Variants in IFIH1 observed in about 807,000 individuals in gnomAD.
IFIH1 encodes interferon induced with helicase C domain 1.
In IFIH1, 125 loss-of-function variants were observed where a neutral mutation model predicts 107.4. The observed-to-expected ratio is 1.16, with a 90% CI of 1.01 to 1.35. The LOEUF (loss-of-function observed/expected upper bound fraction) is 1.35. Ranked by LOEUF, IFIH1 falls within the 40% of genes most tolerant of loss-of-function variation. The pLI is 0.00. For synonymous variants in IFIH1, 458 were observed against 413.2 expected (o/e 1.11, Z -1.31); for missense variants, 1,333 against 1,213.7 (o/e 1.10, Z -1.46).
intron 5 of IFIH1, among the ~76,000 whole-genome samples, chr2:162,286,208 A>C (rs1682891207): frequency 6.6e-6 from 1 of 152,020 alleles, no homozygotes; most frequent in Non-Finnish European, 1.5e-5. Context: ...GGAACAACAA[A>C]AAAAAGTAAC....
chr2:162,294,063 T>C (rs1683044609), intron 3 of IFIH1, among the ~76,000 whole-genome samples: 1 of 151,928 alleles, frequency 6.6e-6, no homozygotes, highest in Non-Finnish European at 1.5e-5. Context: ...TTTAAAATGA[T>C]AGGGAATTAA....
In IFIH1 at chr2:162,279,982, C is replaced by T; in HGVS notation, c.1641+14G>A. ...GTATTGTCAATCAATAGATATAAAA[C>T]ATTAAGCCCATACTTCTCTGGTTGC... On this transcript the variant is annotated intron_variant, in intron 8 of 15. Coordinates refer to ENST00000649979, the MANE Select transcript of IFIH1 (RefSeq NM_022168.4). The T allele has an allele frequency of 1.5e-6, 2 of 1,354,246 alleles. No homozygotes were observed. Among genetic ancestry groups the T allele is most frequent in the Non-Finnish European group, 2.1e-6 (2 of 943,742 alleles). 83.9% of individuals were successfully genotyped at this position (1,354,246 alleles called of 1,614,324 possible).
intron 3 of IFIH1, among the ~76,000 whole-genome samples, chr2:162,304,288 C>G (rs36084110): frequency 6.6e-6 from 1 of 152,092 alleles, no homozygotes; most frequent in African/African-American, 2.4e-5. Flanking sequence ...TGGTGAAACC[C>G]CATTCTCTAA....
chr2:162,311,972 T>A (rs888217805), intron 1 of IFIH1, among the ~76,000 whole-genome samples: 4 of 152,286 alleles, frequency 2.6e-5, no homozygotes, highest in Middle Eastern at 3.4e-3. Flanking sequence ...GGAACTCAGA[T>A]ATTAAAGAAA....
chr2:162,306,725 A>C lies in IFIH1; in HGVS notation c.753T>G (p.Asp251Glu). The C allele has an allele frequency of 6.2e-7, 1 of 1,613,896 alleles. No individual in the cohort carries two copies. The highest frequency in any genetic ancestry group is 8.5e-7 in the Non-Finnish European group (1 of 1,179,840). ...ENNSSESSFADSSVVSESDTS... is the reference protein window; with the variant it reads ...ENNSSESSFAESSVVSESDTS... ...TTCAAGTACCTGAAACTACAGAAGA[A>C]TCTGCAAAAGATGATTCTGATGAGT... Residue 251 changes from aspartate to glutamate, a missense_variant, in exon 3 of 16, where the codon GAT (aspartate) becomes GAG (glutamate). By Grantham distance (45) the Asp-to-Glu change is conservative. Transcript: ENST00000649979.
chr2:162,317,897 C>G lies in IFIH1; in HGVS notation c.411G>C (p.Lys137Asn), dbSNP rs1257535402. ...TTGTCAACAGTTCCTCCTCCATGCA[C>G]TTATCCAAGACGTCTCTAACTAGAA... ...DKLLVRDVLDKCMEEELLTIE... is the reference protein window; with the variant it reads ...DKLLVRDVLDNCMEEELLTIE... The change falls in exon 1 of 16, where the codon AAG (lysine) becomes AAC (asparagine). Residue 137 changes from lysine (K) to asparagine (N), a missense_variant. By Grantham distance (94) the Lys-to-Asn change is moderately conservative (BLOSUM62 0). Transcript: ENST00000649979. The G allele has an allele frequency of 3.7e-6, 6 of 1,610,116 alleles. No individual in the cohort carries two copies. Among genetic ancestry groups the G allele is most frequent in the Middle Eastern group, 1.7e-4 (1 of 6,058 alleles).
chr2:162,299,518 C>T (rs1484703631), intron 3 of IFIH1, among the ~76,000 whole-genome samples: 2 of 151,942 alleles, frequency 1.3e-5, no homozygotes, highest in Non-Finnish European at 1.5e-5. Flanking sequence ...ATATTCACAC[C>T]GTGGCCAATT....
chr2:162,269,804 C>A (rs1395706479), intron 13 of IFIH1, among the ~76,000 whole-genome samples: 1 of 152,060 alleles, frequency 6.6e-6, no homozygotes, highest in African/African-American at 2.4e-5. Context: ...CCATATATAG[C>A]ATAGAAAAGA....
chr2:162,314,524 T>C (rs1056383684), intron 1 of IFIH1, among the ~76,000 whole-genome samples: 3 of 150,778 alleles, frequency 2.0e-5, no homozygotes, highest in Non-Finnish European at 4.4e-5. Context: ...AGTCTCGCTC[T>C]GTCACCAGGG....
intron 2 of IFIH1, 48 bp downstream of exon 2, chr2:162,310,717 A>G (rs747449831): frequency 1.1e-5 from 17 of 1,504,556 alleles, no homozygotes; most frequent in Admixed American, 1.7e-5. Context: ...TGAATTCTCA[A>G]TCACTAGGCA....
chr2:162,276,751 A>C lies in IFIH1; in HGVS notation c.2240T>G (p.Val747Gly). ...AATCAGATGGTGGGCTTTGACTCCT[A>C]CTTCAGCAAATTTTTCATTTTCAGT... The part of the protein sequence containing the change: ...WITENEKFAE[V>G]GVKAHHLIGA... Residue 747 changes from valine to glycine, a missense_variant, in exon 11 of 16, where the codon GTA (valine) becomes GGA (glycine). Physicochemically the swap from Val to Gly is moderately radical, Grantham distance 109 (BLOSUM62 -3). Transcript: ENST00000649979. The C allele has an allele frequency of 6.2e-7, 1 of 1,614,028 alleles. No homozygotes were observed. Among genetic ancestry groups the C allele is most frequent in the Non-Finnish European group, 8.5e-7 (1 of 1,179,920 alleles).
intron 2 of IFIH1, among the ~76,000 whole-genome samples, chr2:162,308,405 A>C (rs946682289): frequency 1.4e-5 from 2 of 142,542 alleles, no homozygotes; most frequent in East Asian, 4.1e-4. Flanking sequence ...TTTGAGACGG[A>C]GTCTTGCTCT....
chr2:162,310,403 A>G, intron 2 of IFIH1: 2 of 350,328 alleles, frequency 5.7e-6, no homozygotes, highest in Admixed American at 4.4e-5. Flanking sequence ...AATGTATAAA[A>G]ATGTTCAGAA....
intron 6 of IFIH1, among the ~76,000 whole-genome samples, 158 bp downstream of exon 6, chr2:162,282,208 C>CT (rs1241852785): frequency 6.6e-6 from 1 of 151,932 alleles, no homozygotes; most frequent in Non-Finnish European, 1.5e-5. Flanking sequence ...TAAAAACTTA[C>CT]TTTTTTTGTT....
intron 5 of IFIH1, among the ~76,000 whole-genome samples, chr2:162,283,526 G>A (rs951022860): frequency 6.6e-6 from 1 of 152,014 alleles, no homozygotes; most frequent in Non-Finnish European, 1.5e-5. Flanking sequence ...GCCCAGCAGT[G>A]TACAATATGG....
At chr2:162,301,956 A>T (rs1225598556) in intron 3 of IFIH1, among the ~76,000 whole-genome samples, 1 of 152,196 alleles carries the variant, frequency 6.6e-6, no homozygotes, top group Non-Finnish European at 1.5e-5. Flanking sequence ...CAAATAAAAA[A>T]TTGATATATC....
At chr2:162,284,280 G>A (rs1682860165) in intron 5 of IFIH1, among the ~76,000 whole-genome samples, 1 of 151,886 alleles carries the variant, frequency 6.6e-6, no homozygotes, top group Non-Finnish European at 1.5e-5. Flanking sequence ...TGGAAATTAA[G>A]TTTAGTGGAA....
At chr2:162,306,007 G>T (rs989353058) in intron 3 of IFIH1, among the ~76,000 whole-genome samples, 2 of 152,126 alleles carry the variant, frequency 1.3e-5, no homozygotes, top group African/African-American at 4.8e-5. Flanking sequence ...CTTTTCCCCA[G>T]AGTTACTTGT....
intron 4 of IFIH1, among the ~76,000 whole-genome samples, chr2:162,290,204 A>T (rs969125205): frequency 2.0e-5 from 3 of 151,900 alleles, no homozygotes; most frequent in African/African-American, 7.2e-5. Flanking sequence ...AGATTTTAAG[A>T]ATACTAATAA....
Sources: allele counts gnomAD v4.1 joint callset (sites outside exome capture counted in the v4.1 genomes callset), GRCh38; gene constraint gnomAD v4.1.1; transcripts MANE v1.5; gene names NCBI Gene and HGNC (gene_info 2026-07-23, HGNC 2026-07-21).